Variants in NTRK2 observed in about 807,000 individuals in gnomAD.
NTRK2 encodes neurotrophic receptor tyrosine kinase 2.
Under a neutral mutation model 94.5 loss-of-function variants are expected in NTRK2, and 13 were observed. The ratio of observed to expected loss-of-function variants is 0.14; its 90% CI spans 0.09 to 0.22. The LOEUF (loss-of-function observed/expected upper bound fraction) is 0.22. NTRK2 is among the 10% of genes least tolerant of loss of function. NTRK2 has a pLI of 1.00. For missense variants in NTRK2, 639 were observed against 1,071.2 expected (o/e 0.60, Z 5.63); for synonymous variants, 372 against 407.4 (o/e 0.91, Z 1.05).
In NTRK2 at chr9:84,742,789, GTTTTTTT is replaced by G. The variant is rs757253032; in HGVS notation, c.1195+883_1195+889del. 4.0e-3 allele frequency among the ~76,000 whole-genome samples: 411 copies of G among 103,672 alleles called. 5 individuals carry two copies. The highest frequency in any genetic ancestry group is 9.9e-3 in the African/African-American group (246 of 24,868). The allele number at this position is 103,672 out of a possible 152,430, so 68.0% of individuals were successfully genotyped here. ...AAAGAAACCAAAGTCCATTATATTA[GTTTTTTT>G]TTTTTTTTTTTTTTTTTTTTCCGAG... On this transcript the variant is annotated intron_variant, in intron 10 of 18. Transcript: ENST00000277120.
At chr9:84,739,663 A>T (rs1168202100) in intron 9 of NTRK2, among the ~76,000 whole-genome samples, 1 of 152,120 alleles carries the variant, frequency 6.6e-6, no homozygotes, top group Non-Finnish European at 1.5e-5. Flanking sequence ...CTTCTCTCAC[A>T]TGCGGTGGGG....
intron 14 of NTRK2, among the ~76,000 whole-genome samples, chr9:84,890,937 A>C (rs1224854477): frequency 6.6e-6 from 1 of 152,200 alleles, no homozygotes; most frequent in Non-Finnish European, 1.5e-5. Context: ...TATCTTTGAA[A>C]TCTCAGATTT....
At chr9:84,982,370 A>G (rs1043680952) in intron 17 of NTRK2, among the ~76,000 whole-genome samples, 1 of 152,212 alleles carries the variant, frequency 6.6e-6, no homozygotes, top group Admixed American at 6.5e-5. Context: ...AAACAGATCT[A>G]TCTGCTGGCC....
At chr9:84,743,007 G>T (rs1030290805) in intron 10 of NTRK2, among the ~76,000 whole-genome samples, 1 of 151,956 alleles carries the variant, frequency 6.6e-6, no homozygotes, top group Non-Finnish European at 1.5e-5. Context: ...TACCATGTTG[G>T]CCAGGCTGGT....
chr9:84,903,729 GCCTC>G (rs1314428762), intron 14 of NTRK2, among the ~76,000 whole-genome samples: 1 of 140,512 alleles, frequency 7.1e-6, no homozygotes, highest in African/African-American at 2.7e-5. Flanking sequence ...TTCCTTCCTT[GCCTC>G]CCTCCCTCCC....
At chr9:84,686,767 C>T (rs551957538) in intron 2 of NTRK2, among the ~76,000 whole-genome samples, 21 of 152,200 alleles carry the variant, frequency 1.4e-4, no homozygotes, top group African/African-American at 4.6e-4. Flanking sequence ...TAAAAATTAA[C>T]GCTATTAGAC....
intron 9 of NTRK2, among the ~76,000 whole-genome samples, chr9:84,741,368 C>T (rs2063636743): frequency 6.6e-6 from 1 of 152,056 alleles, no homozygotes; most frequent in Non-Finnish European, 1.5e-5. Flanking sequence ...TTCTTCAGCC[C>T]TAGAAACTCC....
chr9:84,877,457 C>G lies in NTRK2; in HGVS notation c.1633+10026C>G, dbSNP rs1393896982. ...ATGGATAGATGTTCCTCAAGGAAAC[C>G]CTGCTGGCTAATGGGCACTACATCT... On this transcript the variant is annotated intron_variant, in intron 14 of 18. Coordinates refer to ENST00000277120, the MANE Select transcript of NTRK2 (RefSeq NM_006180.6). The G allele has an allele frequency of 8.4e-6, 9 of 1,065,800 alleles. No individual in the cohort carries two copies. In the East Asian group the frequency reaches 4.0e-4, roughly 47 times the overall value. 66.0% of individuals were successfully genotyped at this position (1,065,800 alleles called of 1,614,324 possible).
chr9:84,723,405 T>A lies in NTRK2; in HGVS notation c.584-168T>A, dbSNP rs554512447. ...ATAGCTTTTTTTGGTTTATGTTAGA[T>A]CTATGAAGCTGATCAAAGTAGCACT... On this transcript the variant is annotated intron_variant, in intron 6 of 18. Coordinates refer to ENST00000277120, the MANE Select transcript of NTRK2 (RefSeq NM_006180.6). Among the ~76,000 whole-genome samples the A allele has an allele frequency of 5.3e-5, 8 of 152,348 alleles. No homozygotes were observed. In the South Asian group the frequency reaches 1.5e-3, roughly 28 times the overall value.
intron 12 of NTRK2, among the ~76,000 whole-genome samples, chr9:84,797,620 CTATATAT>C (rs71499837): frequency 2.1e-4 from 13 of 63,214 alleles, no homozygotes; most frequent in South Asian, 3.5e-4. Context: ...AATATATATA[CTATATAT>C]TATATATTAT....
intron 14 of NTRK2, among the ~76,000 whole-genome samples, chr9:84,911,793 G>A (rs2077243324): frequency 6.6e-6 from 1 of 151,574 alleles, no homozygotes. Context: ...CCTTTTCTCT[G>A]CTTGTTTTGG....
chr9:84,991,541 T>C (rs1451848638), intron 17 of NTRK2, among the ~76,000 whole-genome samples: 1 of 152,126 alleles, frequency 6.6e-6, no homozygotes, highest in African/African-American at 2.4e-5. Flanking sequence ...CCAAACCATT[T>C]TTCTCCCTCT....
chr9:84,912,453 G>A (rs1327221753), intron 14 of NTRK2, among the ~76,000 whole-genome samples: 2 of 151,544 alleles, frequency 1.3e-5, no homozygotes, highest in African/African-American at 4.8e-5. Context: ...TGTCTTTTTG[G>A]TGAATTGATT....
At chr9:84,995,023 G>C (rs1311808834) in intron 17 of NTRK2, among the ~76,000 whole-genome samples, 1 of 152,214 alleles carries the variant, frequency 6.6e-6, no homozygotes, top group Non-Finnish European at 1.5e-5. Context: ...TCAGGACTTA[G>C]AGGTAAACCT....
intron 14 of NTRK2, among the ~76,000 whole-genome samples, chr9:84,921,564 G>T (rs1355970607): frequency 6.6e-6 from 1 of 152,180 alleles, no homozygotes; most frequent in Admixed American, 6.5e-5. Flanking sequence ...ACAGGCTATA[G>T]TAATATTCCA....
In NTRK2 at chr9:85,026,969, C is replaced by T. The variant is rs1833063837; in HGVS notation, c.*5532C>T. 3 of 232,304 alleles carry T rather than the reference C, an allele frequency of 1.3e-5. No homozygotes were observed. The highest frequency in any genetic ancestry group is 5.6e-5 in the Admixed American group (1 of 17,742). The allele number at this position is 232,304 out of a possible 1,614,324, so 14.4% of individuals were successfully genotyped here. On this transcript the variant is annotated 3_prime_UTR_variant, in exon 19 of 19. Coordinates refer to ENST00000277120, the MANE Select transcript of NTRK2 (RefSeq NM_006180.6). ...TTTTGTTTGTAAATCATGTGACCAG[C>T]TTCTCTCAACCTGACATGGAAAGTC...
chr9:84,710,509 A>G (rs1050383227), intron 5 of NTRK2, 128 bp from the exon 6 acceptor site: 15 of 922,184 alleles, frequency 1.6e-5, no homozygotes, highest in Admixed American at 7.6e-5. Context: ...CTGTCATGCT[A>G]TGAAAGTGGT....
intron 14 of NTRK2, among the ~76,000 whole-genome samples, chr9:84,888,758 C>T: frequency 1.3e-5 from 2 of 150,844 alleles, no homozygotes. Flanking sequence ...CTATAAAAAT[C>T]CCTAAGAGGT....
intron 17 of NTRK2, among the ~76,000 whole-genome samples, chr9:84,991,495 A>G (rs897779270): frequency 2.6e-5 from 4 of 152,100 alleles, no homozygotes; most frequent in Non-Finnish European, 5.9e-5. Context: ...TCGGTTCTCA[A>G]CCGTGGAAGC....
Sources: allele counts gnomAD v4.1 joint callset (sites outside exome capture counted in the v4.1 genomes callset), GRCh38; gene constraint gnomAD v4.1.1; transcripts MANE v1.5; gene names NCBI Gene and HGNC (gene_info 2026-07-23, HGNC 2026-07-21).